SCAMP4: variants seen among roughly 807,000 people sequenced by gnomAD.
SCAMP4 encodes the protein secretory carrier-associated membrane protein 4.
Under a neutral mutation model 32.1 loss-of-function variants are expected in SCAMP4, and 19 were observed. The ratio of observed to expected loss-of-function variants is 0.59; its 90% CI spans 0.41 to 0.87. The LOEUF (loss-of-function observed/expected upper bound fraction) is 0.87. Among genes scored for constraint, SCAMP4 ranks in the 40% least tolerant of loss-of-function variants. SCAMP4 has a pLI of 0.00. For missense variants in SCAMP4, 302 were observed against 309.0 expected (o/e 0.98, Z 0.17); for synonymous variants, 152 against 132.7 (o/e 1.15, Z -1.00).
intron 1 of SCAMP4, chr19:1,914,677 A>C: frequency 9.1e-6 from 4 of 437,798 alleles, no homozygotes; most frequent in Non-Finnish European, 1.7e-5. Context: ...TGAAGCCGGG[A>C]TTTGGGGGAC....
At position 1,924,680 on chromosome 19, in the gene SCAMP4, C is replaced by T. The variant is rs1304210286; in HGVS notation, c.*396C>T. ...AGAGCTGCTGGCGCTGAGGTCAGAG[C>T]GGGTCTGATGGGGAGCTCCGTCTCA... On this transcript the variant is annotated 3_prime_UTR_variant, in exon 7 of 7. Coordinates refer to ENST00000316097, the MANE Select transcript of SCAMP4 (RefSeq NM_079834.4). 2 of 230,600 alleles carry T rather than the reference C, an allele frequency of 8.7e-6. No homozygotes were observed. The highest frequency in any genetic ancestry group is 2.2e-5 in the African/African-American group (1 of 45,602). The allele number at this position is 230,600 out of a possible 1,614,324, so 14.3% of individuals were successfully genotyped here.
chr19:1,908,557 C>A lies in SCAMP4; in HGVS notation c.-42+3118C>A, dbSNP rs1200298196. The A allele has an allele frequency of 8.5e-6, 4 of 471,160 alleles. No homozygotes were observed. The East Asian group carries it at 2.8e-4, about 33-fold the overall frequency. 29.2% of individuals were successfully genotyped at this position (471,160 alleles called of 1,614,324 possible). A position where few individuals can be genotyped will look rare whatever the true frequency, so the allele number is the denominator to read the frequency against. On this transcript the variant is annotated intron_variant, in intron 1 of 6. Coordinates refer to ENST00000316097, the MANE Select transcript of SCAMP4 (RefSeq NM_079834.4). The surrounding 1 kb of genome is among the most constrained non-coding windows in gnomAD (Gnocchi z 4.2). ...CAGTTCAGGATCACCCGGCTGGAGT[C>A]ATTTTAAGATCATCTGCGGCTTAGC...
At chr19:1,914,797 G>A (rs1038190203) in intron 1 of SCAMP4, among the ~76,000 whole-genome samples, 182 bp from the exon 2 acceptor site, 1 of 152,342 alleles carries the variant, frequency 6.6e-6, no homozygotes, top group East Asian at 1.9e-4. Flanking sequence ...CACTGGAGCC[G>A]AGGGGAGGGG....
chr19:1,906,096 C>T (rs1196657848), intron 1 of SCAMP4: 1 of 152,240 alleles, frequency 6.6e-6, no homozygotes, highest in African/African-American at 2.4e-5. Flanking sequence ...TGCAGTTCCT[C>T]ACCCTATAAC....
At position 1,921,994 on chromosome 19, in the gene SCAMP4, CG is replaced by C; in HGVS notation, c.396-1071del. ...TGTGCATAAGCTCCCCGGACACATCCGGGGGTGTGGGTCCTGCGGGCTGCCT... is the reference window on the plus strand; with the variant it reads ...TGTGCATAAGCTCCCCGGACACATCCGGGGTGTGGGTCCTGCGGGCTGCCT... On this transcript the variant is annotated intron_variant, in intron 5 of 6. Transcript: ENST00000316097. 3.0e-6 allele frequency: 3 copies of C among 985,452 alleles called. No individual in the cohort carries two copies. The East Asian group carries it at 3.4e-4, about 112-fold the overall frequency. The allele number at this position is 985,452 out of a possible 1,614,324, so 61.0% of individuals were successfully genotyped here. A position where few individuals can be genotyped will look rare whatever the true frequency, so the allele number is the denominator to read the frequency against.
At chr19:1,923,802 T>A (rs2014001426) in intron 6 of SCAMP4, among the ~76,000 whole-genome samples, 1 of 127,676 alleles carries the variant, frequency 7.8e-6, no homozygotes, top group Non-Finnish European at 1.6e-5. Context: ...TGTTTTTGTA[T>A]TTTTGGTAGA....
At chr19:1,907,883 T>C (rs2145423485) in intron 1 of SCAMP4, 1 of 152,564 alleles carries the variant, frequency 6.6e-6, no homozygotes, top group East Asian at 1.9e-4. Flanking sequence ...GGAGGTGCTC[T>C]GGCAGTTGAG....
At chr19:1,919,295 CT>C in intron 5 of SCAMP4, 1 of 1,225,770 alleles carries the variant, frequency 8.2e-7, no homozygotes, top group Non-Finnish European at 1.0e-6. Flanking sequence ...GATCACACCC[CT>C]GACCCGGGGT....
chr19:1,923,565 G>A (rs908169811), intron 6 of SCAMP4, among the ~76,000 whole-genome samples: 9 of 150,808 alleles, frequency 6.0e-5, no homozygotes, highest in Non-Finnish European at 1.0e-4. Flanking sequence ...TGAAGATAGC[G>A]GAAGTGTTGA....
intron 6 of SCAMP4, among the ~76,000 whole-genome samples, chr19:1,923,452 G>A (rs1410482783): frequency 6.6e-6 from 1 of 152,158 alleles, no homozygotes; most frequent in Non-Finnish European, 1.5e-5. Flanking sequence ...GGGAAGCAGG[G>A]GTTGTGTGTA....
rs536220756 is a variant in SCAMP4, at chr19:1,912,867, C to A, written c.-41-2112C>A. On this transcript the variant is annotated intron_variant, in intron 1 of 6. Transcript: ENST00000316097. ...CTCCTTCGCCCCGGCCGCTGCCCCC[C>A]AGGCCGTCCGCGCAGGCGCCGTGCG... is the stretch of plus-strand genomic sequence containing the variant. 2.9e-5 allele frequency: 46 copies of A among 1,600,780 alleles called. No homozygotes were observed. Among genetic ancestry groups the A allele is most frequent in the African/African-American group, 8.0e-5 (6 of 74,900 alleles).
At position 1,918,233 on chromosome 19, in the gene SCAMP4, C is replaced by A. The variant is rs745805661; in HGVS notation, c.243C>A (p.Phe81Leu). ...TGGCCTTCGTGTGGCTGCTCCTGTTCACGCCTTGCGGCTACGTGTGCTGGT... is the reference window on the plus strand; with the variant it reads ...TGGCCTTCGTGTGGCTGCTCCTGTTAACGCCTTGCGGCTACGTGTGCTGGT... ...FGLAFVWLLL[F>L]TPCGYVCWFR... The change falls in exon 4 of 7, where the codon TTC becomes TTA. Residue 81 changes from phenylalanine (F) to leucine (L), a missense_variant. Coordinates refer to ENST00000316097, the MANE Select transcript of SCAMP4 (RefSeq NM_079834.4). 1.9e-6 allele frequency: 3 copies of A among 1,610,626 alleles called. No homozygotes were observed. The highest frequency in any genetic ancestry group is 2.7e-5 in the African/African-American group (2 of 75,060).
rs539889109 is a variant in SCAMP4, at chr19:1,919,116, G to A, written c.395+126G>A. ...GGATTGTACGCGCTCTCCTAGGGAG[G>A]GGTCTGAGCTCACCCTGGCAGCGCC... On this transcript the variant is annotated intron_variant, in intron 5 of 6. Transcript: ENST00000316097. 6 of 1,498,890 alleles carry A rather than the reference G, an allele frequency of 4.0e-6. No individual in the cohort carries two copies. The East Asian group carries it at 1.5e-4, about 37-fold the overall frequency. The allele number at this position is 1,498,890 out of a possible 1,614,324, so 92.8% of individuals were successfully genotyped here.
intron 1 of SCAMP4, chr19:1,913,343 C>A: frequency 1.2e-6 from 1 of 851,676 alleles, no homozygotes; most frequent in Non-Finnish European, 1.8e-6. Context: ...GGGGCCACCC[C>A]GTGCCAGCGG....
At chr19:1,920,863 CAT>C (rs920841601) in intron 5 of SCAMP4, 2 of 985,404 alleles carry the variant, frequency 2.0e-6, no homozygotes, top group Non-Finnish European at 2.4e-6. Context: ...TGAGTGCCCA[CAT>C]GTGACCCTCA....
intron 2 of SCAMP4, chr19:1,915,551 G>A (rs761506004): frequency 1.2e-5 from 2 of 170,064 alleles, no homozygotes; most frequent in African/African-American, 4.8e-5. Context: ...ACCTGTGAGT[G>A]GGACCTCATT....
intron 1 of SCAMP4, chr19:1,912,970 C>G (rs1221671049): frequency 1.2e-6 from 2 of 1,609,706 alleles, no homozygotes; most frequent in African/African-American, 1.3e-5. Flanking sequence ...GAGCCCTGCG[C>G]CATGTGCGCC....
chr19:1,921,333 A>G, intron 5 of SCAMP4: 8 of 985,392 alleles, frequency 8.1e-6, no homozygotes, highest in Non-Finnish European at 7.2e-6. Flanking sequence ...CCACGGCAGC[A>G]TCTGTGGTGG....
At chr19:1,921,142 G>A (rs1235785340) in intron 5 of SCAMP4, 31 of 985,292 alleles carry the variant, frequency 3.1e-5, no homozygotes, top group Non-Finnish European at 3.6e-5. Flanking sequence ...CGCTCAGTGC[G>A]CTGCTGTGGG....
Sources: gnomAD v4.1 joint callset for allele counts (sites outside exome capture counted in the v4.1 genomes callset) on GRCh38, gnomAD v4.1.1 for gene constraint, Gnocchi (gnomAD v3.1) non-coding constraint, MANE v1.5 for transcripts, NCBI Gene and HGNC (gene_info 2026-07-23, HGNC 2026-07-21) for gene names.